CACNA1I: variants seen among roughly 807,000 people sequenced by gnomAD.
The protein encoded by CACNA1I is calcium voltage-gated channel subunit alpha1 I.
In CACNA1I, 74 loss-of-function variants were observed where a neutral mutation model predicts 201.6. That is an observed-to-expected ratio of 0.37 (90% CI 0.30 to 0.45). The LOEUF (loss-of-function observed/expected upper bound fraction) is 0.45. CACNA1I is among the 20% of genes least tolerant of loss of function. CACNA1I has a pLI of 1.00. For missense variants in CACNA1I, 2,346 were observed against 3,138.1 expected (o/e 0.75, Z 6.03); for synonymous variants, 1,431 against 1,345.2 (o/e 1.06, Z -1.40).
chr22:39,588,392 T>TC (rs1433172649), intron 1 of CACNA1I, among the ~76,000 whole-genome samples: 1 of 147,378 alleles, frequency 6.8e-6, no homozygotes, highest in Non-Finnish European at 1.5e-5. Context: ...TTTCTTTTTT[T>TC]TTTTTTTTTT....
intron 11 of CACNA1I, 31 bp downstream of exon 11, chr22:39,658,334 A>G (rs1193073544): frequency 6.2e-7 from 1 of 1,606,656 alleles, no homozygotes; most frequent in African/African-American, 1.3e-5. Flanking sequence ...CCGGCAGCAG[A>G]GTGCCTCGGG....
At chr22:39,675,248 G>A (rs1017610379) in intron 29 of CACNA1I, among the ~76,000 whole-genome samples, 1 of 152,236 alleles carries the variant, frequency 6.6e-6, no homozygotes, top group Non-Finnish European at 1.5e-5. Context: ...GGGCGGCGGT[G>A]AGGTGTCAGA....
At chr22:39,573,546 G>C (rs936560470) in intron 1 of CACNA1I, among the ~76,000 whole-genome samples, 1 of 152,142 alleles carries the variant, frequency 6.6e-6, no homozygotes, top group African/African-American at 2.4e-5. Flanking sequence ...ACCTAAAAAG[G>C]AGACGGCAGA....
In CACNA1I at chr22:39,679,186, G is replaced by C. The variant is rs752672308; in HGVS notation, c.5135G>C (p.Ser1712Thr). 3.8e-6 allele frequency: 6 copies of C among 1,591,930 alleles called. No individual in the cohort carries two copies. In the South Asian group the frequency reaches 6.9e-5, roughly 18 times the overall value. Reference sequence around the variant, plus strand: ...TTTGTGTCGCCGCTGTACTTCGTGAGCTTCGTGCTCACCGCGCAGTTCGTG... The same window carrying C: ...TTTGTGTCGCCGCTGTACTTCGTGACCTTCGTGCTCACCGCGCAGTTCGTG... ...LQFVSPLYFV[S>T]FVLTAQFVLI... Residue 1712 changes from serine to threonine, a missense_variant, in exon 32 of 37, where the codon AGC becomes ACC. By Grantham distance (58) the Ser-to-Thr change is moderately conservative. This residue lies in a region of CACNA1I where 64 missense variants were observed against 131.8 expected (regional missense o/e 0.49). Coordinates refer to ENST00000402142, the MANE Select transcript of CACNA1I (RefSeq NM_021096.4).
At chr22:39,624,587 C>G (rs1933846885) in intron 4 of CACNA1I, among the ~76,000 whole-genome samples, 1 of 152,202 alleles carries the variant, frequency 6.6e-6, no homozygotes, top group African/African-American at 2.4e-5. Context: ...GCTGGTGTTC[C>G]CCTGGAAGGG....
At position 39,684,329 on chromosome 22, in the gene CACNA1I, C is replaced by G. The variant is rs1423394115; in HGVS notation, c.5858C>G (p.Ala1953Gly). The change falls in exon 36 of 37, where the codon GCC becomes GGC. Residue 1953 changes from alanine (A) to glycine (G), a missense_variant. Transcript: ENST00000402142. This position sits in a 1 kb window ranked among gnomAD's most constrained non-coding sequence, Gnocchi z 4.6. ...QAPPSPFSPDASSPLLPMPAE... is the reference protein window; with the variant it reads ...QAPPSPFSPDGSSPLLPMPAE... The stretch of plus-strand genomic sequence containing the variant: ...CCCCCAAGTCCCTTCTCCCCGGATG[C>G]CTCCAGCCCTCTCCTGCCCATGCCA... 1.2e-6 allele frequency: 2 copies of G among 1,613,400 alleles called. No individual in the cohort carries two copies. The highest frequency in any genetic ancestry group is 1.7e-6 in the Non-Finnish European group (2 of 1,179,826).
In CACNA1I at chr22:39,662,089, C is replaced by T. The variant is rs979167439; in HGVS notation, c.3026C>T (p.Ala1009Val). ...GCGGAGCATGAGTCCCTGCTCTCTGCGGAGCGCGGCGGCGGCGCCCGGGTC... is the reference window on the plus strand; with the variant it reads ...GCGGAGCATGAGTCCCTGCTCTCTGTGGAGCGCGGCGGCGGCGCCCGGGTC... ...PSAEHESLLS[A>V]ERGGGARVCE... The change falls in exon 17 of 37, where the codon GCG becomes GTG. Residue 1009 changes from alanine to valine, a missense_variant. Ala to Val is a moderately conservative substitution (Grantham distance 64). Around this residue, in one of 13 missense-constraint regions of CACNA1I, gnomAD observed 288 missense variants for 255.2 expected, o/e 1.13. Coordinates refer to ENST00000402142, the MANE Select transcript of CACNA1I (RefSeq NM_021096.4). 1.3e-6 allele frequency: 2 copies of T among 1,529,610 alleles called. No homozygotes were observed. The highest frequency in any genetic ancestry group is 1.7e-6 in the Non-Finnish European group (2 of 1,142,970). 94.8% of individuals were successfully genotyped at this position (1,529,610 alleles called of 1,614,324 possible).
In CACNA1I at chr22:39,637,914, G is replaced by A. The variant is rs147824898; in HGVS notation, c.741-2953G>A. Among the ~76,000 whole-genome samples, 242 of 152,128 alleles carry A rather than the reference G, an allele frequency of 1.6e-3. 1 individual carries two copies. The highest frequency in any genetic ancestry group is 5.8e-3 in the African/African-American group (242 of 41,482). On this transcript the variant is annotated intron_variant, in intron 5 of 36. Coordinates refer to ENST00000402142, the MANE Select transcript of CACNA1I (RefSeq NM_021096.4). ...AGGTCTGACGTCCAAATCTAGCTTT[G>A]TGTATGGTTTGTAGATGGAGTCAAG...
At chr22:39,644,981 C>G (rs1311395698) in intron 7 of CACNA1I, among the ~76,000 whole-genome samples, 1 of 151,946 alleles carries the variant, frequency 6.6e-6, no homozygotes, top group Non-Finnish European at 1.5e-5. Context: ...AGCCGCAGCC[C>G]CCGGCCCCCA....
rs969379178 is a variant in CACNA1I at position 39,677,146 on chromosome 22, G to C, written c.4855-195G>C. Among the ~76,000 whole-genome samples the C allele has an allele frequency of 1.3e-5, 2 of 152,190 alleles. No homozygotes were observed. The highest frequency in any genetic ancestry group is 4.8e-5 in the African/African-American group (2 of 41,442). ...GGCACAAGTGTTTTCTTGTTATTCT[G>C]AGCCCTGTGCTGGACCCAGCCTGCC... On this transcript the variant is annotated intron_variant, in intron 29 of 36. Coordinates refer to ENST00000402142, the MANE Select transcript of CACNA1I (RefSeq NM_021096.4). This position sits in a 1 kb window ranked among gnomAD's most constrained non-coding sequence, Gnocchi z 4.8.
At chr22:39,630,450 C>T (rs889553068) in intron 4 of CACNA1I, among the ~76,000 whole-genome samples, 1 of 152,242 alleles carries the variant, frequency 6.6e-6, no homozygotes, top group African/African-American at 2.4e-5. Flanking sequence ...GTGCCCGGCA[C>T]GGAGCCAGCC....
At chr22:39,621,830 C>A (rs1333980261) in intron 4 of CACNA1I, among the ~76,000 whole-genome samples, 3 of 151,980 alleles carry the variant, frequency 2.0e-5, no homozygotes, top group Admixed American at 6.6e-5. Flanking sequence ...CCTAGGGAGA[C>A]CCCCTTGGGC....
chr22:39,679,914 CGAAACCTGGTGGGG>C, intron 33 of CACNA1I, 46 bp downstream of exon 33: 1 of 1,578,408 alleles, frequency 6.3e-7, no homozygotes, highest in Non-Finnish European at 8.6e-7. Context: ...AGGGGCAGCA[CGAAACCTGGTGGGG>C]GGCCTGTCCG....
chr22:39,610,768 C>G (rs994087622), intron 3 of CACNA1I, among the ~76,000 whole-genome samples: 1 of 152,162 alleles, frequency 6.6e-6, no homozygotes, highest in African/African-American at 2.4e-5. Context: ...GTGCTGACTT[C>G]CCTCCCTGGA....
rs544793264 is a variant in CACNA1I at position 39,678,989 on chromosome 22, A to G, written c.5056-118A>G. ...GAGTGGGGCAGGGCAGCCCGGGGCC[A>G]TCTCGGGGGTTGAATCTCGGTCTTG... On this transcript the variant is annotated intron_variant, in intron 31 of 36. Coordinates refer to ENST00000402142, the MANE Select transcript of CACNA1I (RefSeq NM_021096.4). 7 of 757,664 alleles carry G rather than the reference A, an allele frequency of 9.2e-6. No homozygotes were observed. The East Asian group carries it at 1.7e-4, about 18-fold the overall frequency. 46.9% of individuals were successfully genotyped at this position (757,664 alleles called of 1,614,324 possible).
chr22:39,601,370 G>A (rs1341856144), intron 3 of CACNA1I, among the ~76,000 whole-genome samples: 1 of 152,250 alleles, frequency 6.6e-6, no homozygotes, highest in Non-Finnish European at 1.5e-5. Flanking sequence ...CGGGGACCAG[G>A]GCGCTGGGCA....
chr22:39,675,242 G>A (rs569127622), intron 29 of CACNA1I, among the ~76,000 whole-genome samples: 1 of 152,372 alleles, frequency 6.6e-6, no homozygotes, highest in East Asian at 1.9e-4. Context: ...TTCAAAGGGC[G>A]GCGGTGAGGT....
Position 39,666,424 on chromosome 22 carries a change from G to C in CACNA1I, c.4104+418G>C, listed in dbSNP as rs879391751. On this transcript the variant is annotated intron_variant, in intron 23 of 36. Transcript: ENST00000402142. The surrounding 1 kb of genome is among the most constrained non-coding windows in gnomAD (Gnocchi z 4.1). ...ATAGCCTGCCAGGCAGGCTGCGGTC[G>C]AGATGAAAGGATATCAAGCCCTTGG... 2.6e-5 allele frequency among the ~76,000 whole-genome samples: 4 copies of C among 152,192 alleles called. No individual in the cohort carries two copies. The highest frequency in any genetic ancestry group is 2.6e-4 in the Admixed American group (4 of 15,290).
At chr22:39,662,542 C>T in intron 17 of CACNA1I, 107 bp downstream of exon 17, 1 of 884,420 alleles carries the variant, frequency 1.1e-6, no homozygotes, top group Non-Finnish European at 1.6e-6. Context: ...GGGGGCGTGG[C>T]CGGGGCGTGG....
Sources: allele counts gnomAD v4.1 joint callset (sites outside exome capture counted in the v4.1 genomes callset), GRCh38; gene constraint gnomAD v4.1.1; regional missense constraint gnomAD v4.1.1; non-coding constraint Gnocchi (gnomAD v3.1); transcripts MANE v1.5; gene names NCBI Gene and HGNC (gene_info 2026-07-23, HGNC 2026-07-21).